UNC5C: variants seen among roughly 807,000 people sequenced by gnomAD.
UNC5C encodes the protein netrin receptor UNC5C.
A neutral mutation model predicts 99.8 loss-of-function variants in UNC5C; 47 were observed. That is an observed-to-expected ratio of 0.47 (90% CI 0.37 to 0.60). UNC5C has a LOEUF of 0.60. UNC5C is among the 20% of genes least tolerant of loss of function. UNC5C has a pLI of 0.00. For missense variants in UNC5C, 1,062 were observed against 1,165.9 expected, an observed-to-expected ratio of 0.91 and a Z score of 1.30; for synonymous variants, 487 against 452.2, an observed-to-expected ratio of 1.08 and a Z score of -0.98.
At chr4:95,171,327 C>T (rs1166613045) in intron 14 of UNC5C, among the ~76,000 whole-genome samples, 1 of 151,336 alleles carries the variant, frequency 6.6e-6, no homozygotes, top group Non-Finnish European at 1.5e-5. Context: ...TGGTGCGCTG[C>T]ACCCACTAAC....
rs76912171 is a variant in UNC5C, at chr4:95,536,991, A to G, written c.124+11743T>C. 1.8e-3 allele frequency among the ~76,000 whole-genome samples: 267 copies of G among 152,332 alleles called. 5 individuals are homozygous for G. The East Asian group carries it at 0.045, about 25-fold the overall frequency. ...CCAAAGAGTACCTCTTGATTTTATT[A>G]AGAAATGCATGTATGAAAATCTATT... On this transcript the variant is annotated intron_variant, in intron 1 of 15. Transcript: ENST00000453304.
At chr4:95,197,256 T>C (rs1737469177) in intron 12 of UNC5C, among the ~76,000 whole-genome samples, 1 of 151,476 alleles carries the variant, frequency 6.6e-6, no homozygotes, top group Admixed American at 6.6e-5. Context: ...GCAGTCTTTT[T>C]GCAATAGCTC....
intron 14 of UNC5C, among the ~76,000 whole-genome samples, chr4:95,175,664 G>T (rs1167434616): frequency 6.6e-6 from 1 of 152,038 alleles, no homozygotes; most frequent in Non-Finnish European, 1.5e-5. Context: ...TTTCTCTCTG[G>T]CTGCCCTTAA....
At chr4:95,320,149 G>C (rs1742626776) in intron 2 of UNC5C, among the ~76,000 whole-genome samples, 1 of 152,044 alleles carries the variant, frequency 6.6e-6, no homozygotes, top group Non-Finnish European at 1.5e-5. Context: ...TAAAGTACAA[G>C]ATGGCTCTCG....
At chr4:95,449,725 G>T (rs1346646173) in intron 1 of UNC5C, among the ~76,000 whole-genome samples, 2 of 152,122 alleles carry the variant, frequency 1.3e-5, no homozygotes, top group Non-Finnish European at 2.9e-5. Flanking sequence ...ACCCTGTACA[G>T]AACTCTTCTA....
intron 3 of UNC5C, among the ~76,000 whole-genome samples, chr4:95,282,744 G>A (rs1223577033): frequency 2.0e-5 from 3 of 152,140 alleles, no homozygotes; most frequent in African/African-American, 7.2e-5. Flanking sequence ...CTTCATCTGG[G>A]TGTCAGGCAG....
chr4:95,462,198 T>C (rs1747624109), intron 1 of UNC5C, among the ~76,000 whole-genome samples: 1 of 152,142 alleles, frequency 6.6e-6, no homozygotes, highest in African/African-American at 2.4e-5. Context: ...TTTCTAAATA[T>C]CTTCTGTTTG....
At chr4:95,444,617 C>T (rs957380134) in intron 1 of UNC5C, among the ~76,000 whole-genome samples, 1 of 152,188 alleles carries the variant, frequency 6.6e-6, no homozygotes, top group African/African-American at 2.4e-5. Flanking sequence ...AGGCGTGAGG[C>T]ACCGCGCCGG....
At chr4:95,370,117 C>G (rs1018857635) in intron 1 of UNC5C, among the ~76,000 whole-genome samples, 8 of 152,062 alleles carry the variant, frequency 5.3e-5, no homozygotes, top group African/African-American at 1.9e-4. Flanking sequence ...GGCTATTGAG[C>G]CTTGAAAGAT....
chr4:95,531,230 G>T (rs1455398170), intron 1 of UNC5C, among the ~76,000 whole-genome samples: 2 of 152,194 alleles, frequency 1.3e-5, no homozygotes, highest in Non-Finnish European at 2.9e-5. Context: ...TAAATTGACA[G>T]TCTTGAAGTC....
chr4:95,202,919 T>C lies in UNC5C; in HGVS notation c.1948A>G (p.Ile650Val). ...GEENFTTPCY[I>V]QLDAEACHIL... ...TGGCAGGCCTCTGCATCCAGCTGAA[T>C]GTAGCAGGGGGTGGTGAAGTTTTCC... Residue 650 changes from isoleucine to valine, a missense_variant, in exon 12 of 16, where the codon ATT becomes GTT. Coordinates refer to ENST00000453304, the MANE Select transcript of UNC5C (RefSeq NM_003728.4). 2.5e-6 allele frequency: 4 copies of C among 1,614,150 alleles called. No individual in the cohort carries two copies. The highest frequency in any genetic ancestry group is 2.5e-6 in the Non-Finnish European group (3 of 1,180,030).
chr4:95,163,402 A>AAT lies in UNC5C; in HGVS notation c.*5831_*5832insAT, dbSNP rs1423046223. 3 of 152,186 alleles carry AAT rather than the reference A, an allele frequency of 2.0e-5. No individual in the cohort carries two copies. The highest frequency in any genetic ancestry group is 7.2e-5 in the African/African-American group (3 of 41,444). The allele number at this position is 152,186 out of a possible 1,614,324, so 9.4% of individuals were successfully genotyped here. A position where few individuals can be genotyped will look rare whatever the true frequency, so the allele number is the denominator to read the frequency against. ...GTCCCCATTCTCTGATGCTGCCTCCATAGTGCTCAGGATCAGAGGCCAAAA... is the reference window on the plus strand; with the variant it reads ...GTCCCCATTCTCTGATGCTGCCTCCAATTAGTGCTCAGGATCAGAGGCCAAAA... On this transcript the variant is annotated 3_prime_UTR_variant, in exon 16 of 16. Transcript: ENST00000453304.
intron 1 of UNC5C, among the ~76,000 whole-genome samples, chr4:95,463,068 A>G (rs964178337): frequency 6.6e-6 from 1 of 152,164 alleles, no homozygotes; most frequent in Non-Finnish European, 1.5e-5. Context: ...GCCCTCAAAC[A>G]TGCTGTGCTC....
intron 12 of UNC5C, among the ~76,000 whole-genome samples, chr4:95,185,939 G>GA (rs1437649253): frequency 1.3e-5 from 2 of 150,268 alleles, no homozygotes; most frequent in Non-Finnish European, 3.0e-5. Context: ...TGTGGCTGAT[G>GA]AAAAAATTTG....
chr4:95,492,062 G>C (rs889171578), intron 1 of UNC5C, among the ~76,000 whole-genome samples: 1 of 151,526 alleles, frequency 6.6e-6, no homozygotes, highest in South Asian at 2.1e-4. Flanking sequence ...GTGTGTGAGG[G>C]TGTGTGTGTA....
chr4:95,171,214 A>C (rs929545604), intron 14 of UNC5C, among the ~76,000 whole-genome samples: 5 of 148,760 alleles, frequency 3.4e-5, no homozygotes, highest in African/African-American at 4.9e-5. Context: ...ATCTCTCTCT[A>C]TTTTTTTTTT....
intron 2 of UNC5C, among the ~76,000 whole-genome samples, chr4:95,333,049 A>G (rs6816110): frequency 0.13 from 20,450 of 152,222 alleles, 1,567 homozygotes; most frequent in African/African-American, 0.19. Flanking sequence ...TAGAATGGCA[A>G]TCATTAAAAA....
At chr4:95,426,813 C>T (rs1746501103) in intron 1 of UNC5C, among the ~76,000 whole-genome samples, 1 of 152,134 alleles carries the variant, frequency 6.6e-6, no homozygotes, top group East Asian at 1.9e-4. Flanking sequence ...AAGCTAAGAA[C>T]TTAGAAACTA....
chr4:95,212,004 T>G (rs966804527), intron 10 of UNC5C, among the ~76,000 whole-genome samples: 1 of 152,268 alleles, frequency 6.6e-6, no homozygotes, highest in South Asian at 2.1e-4. Flanking sequence ...AGGAGAAAGA[T>G]CACTGTGTTT....
Sources: allele counts gnomAD v4.1 joint callset (sites outside exome capture counted in the v4.1 genomes callset), GRCh38; gene constraint gnomAD v4.1.1; transcripts MANE v1.5; gene names NCBI Gene and HGNC (gene_info 2026-07-23, HGNC 2026-07-21).